ADGRL2: variants seen among roughly 807,000 people sequenced by gnomAD.
ADGRL2 encodes calcium-independent alpha-latrotoxin receptor 2.
In ADGRL2, 44 loss-of-function variants were observed where a neutral mutation model predicts 157.4. That is an observed-to-expected ratio of 0.28 (90% CI 0.22 to 0.36). ADGRL2 has a LOEUF of 0.36. Among genes scored for constraint, ADGRL2 ranks in the 10% least tolerant of loss-of-function variants. The pLI is 1.00. For synonymous variants in ADGRL2, 585 were observed against 624.7 expected (o/e 0.94, Z 0.95); for missense variants, 1,510 against 1,768.9 (o/e 0.85, Z 2.63).
chr1:81,536,053 T>C lies in ADGRL2; in HGVS notation c.-247-44823T>C, dbSNP rs144533393. Among the ~76,000 whole-genome samples, 16 of 152,338 alleles carry C rather than the reference T, an allele frequency of 1.1e-4. No homozygotes were observed. In the East Asian group the frequency reaches 2.9e-3, roughly 28 times the overall value. On this transcript the variant is annotated intron_variant, in intron 2 of 24. Transcript: ENST00000370721. ...GAATCTCAGATATGCCATTTAAAAG[T>C]GATACATTGAGCTGCAAAATATAGG...
At chr1:81,502,190 A>G (rs2078867524) in intron 2 of ADGRL2, 15 of 1,595,094 alleles carry the variant, frequency 9.4e-6, no homozygotes, top group South Asian at 5.6e-5. Context: ...AGTGGCACCC[A>G]TGTCCAATCT....
intron 2 of ADGRL2, among the ~76,000 whole-genome samples, chr1:81,504,877 T>C (rs546078877): frequency 3.4e-4 from 51 of 152,228 alleles, no homozygotes; most frequent in African/African-American, 1.2e-3. Context: ...AGGAGATGAA[T>C]AACTCCACAG....
At chr1:81,785,517 C>T (rs2087000927) in intron 2 of ADGRL2, among the ~76,000 whole-genome samples, 1 of 151,874 alleles carries the variant, frequency 6.6e-6, no homozygotes, top group Non-Finnish European at 1.5e-5. Context: ...TGCTCAAACC[C>T]AAGAGTTCCA....
intron 1 of ADGRL2, among the ~76,000 whole-genome samples, chr1:81,344,227 G>A (rs1006696640): frequency 6.6e-6 from 1 of 152,022 alleles, no homozygotes; most frequent in African/African-American, 2.4e-5. Context: ...ACGTCACCAC[G>A]CCCTAATTCG....
chr1:81,386,849 CA>C (rs886644808), intron 1 of ADGRL2, among the ~76,000 whole-genome samples: 2 of 152,064 alleles, frequency 1.3e-5, no homozygotes, highest in Admixed American at 1.3e-4. Context: ...GCTGTACCAT[CA>C]CACAGGAGAA....
chr1:81,533,992 T>A (rs777996844), intron 2 of ADGRL2, among the ~76,000 whole-genome samples: 1 of 152,226 alleles, frequency 6.6e-6, no homozygotes, highest in Non-Finnish European at 1.5e-5. Flanking sequence ...AGCCTCACTA[T>A]GAACATATGA....
intron 3 of ADGRL2, among the ~76,000 whole-genome samples, chr1:81,648,837 A>G (rs2082360119): frequency 6.6e-6 from 1 of 152,194 alleles, no homozygotes. Flanking sequence ...GAATGAAAGA[A>G]GGTTTCAGGG....
At chr1:81,819,760 C>T (rs1353491800) in intron 1 of ADGRL2, among the ~76,000 whole-genome samples, 1 of 151,982 alleles carries the variant, frequency 6.6e-6, no homozygotes, top group Non-Finnish European at 1.5e-5. Context: ...ATTATTAGAC[C>T]TGTTGAGATA....
At chr1:81,569,644 C>A (rs2080640571) in intron 2 of ADGRL2, among the ~76,000 whole-genome samples, 1 of 151,972 alleles carries the variant, frequency 6.6e-6, no homozygotes, top group Admixed American at 6.6e-5. Context: ...TCAGTCTCTA[C>A]ATAAAAGAAG....
chr1:81,691,851 C>CAT (rs371071574), intron 3 of ADGRL2, among the ~76,000 whole-genome samples: 2,674 of 106,028 alleles, frequency 0.025, 41 homozygotes, highest in South Asian at 0.072. Context: ...GGCAAAATGG[C>CAT]ATATATATAT....
chr1:81,476,739 G>C (rs2078280395), intron 2 of ADGRL2, among the ~76,000 whole-genome samples: 1 of 152,156 alleles, frequency 6.6e-6, no homozygotes. Context: ...ATAACATTGT[G>C]CAGTTTAACC....
chr1:81,810,505 A>G (rs2089729318), intron 1 of ADGRL2, among the ~76,000 whole-genome samples: 1 of 151,926 alleles, frequency 6.6e-6, no homozygotes, highest in South Asian at 2.1e-4. Context: ...GAAATTACAG[A>G]ACACATTTCT....
At chr1:81,429,539 C>T (rs951165034) in intron 1 of ADGRL2, among the ~76,000 whole-genome samples, 1 of 152,184 alleles carries the variant, frequency 6.6e-6, no homozygotes, top group Non-Finnish European at 1.5e-5. Context: ...ACATGAGTCT[C>T]CTGATATTTC....
At chr1:81,871,457 G>C (rs2093692704) in intron 2 of ADGRL2, among the ~76,000 whole-genome samples, 1 of 152,086 alleles carries the variant, frequency 6.6e-6, no homozygotes, top group African/African-American at 2.4e-5. Context: ...CCCAGTAATG[G>C]GATAGCGGGG....
At position 81,625,130 on chromosome 1, in the gene ADGRL2, G is replaced by A. The variant is rs1031200630; in HGVS notation, c.-143+44150G>A. On this transcript the variant is annotated intron_variant, in intron 3 of 24. Coordinates refer to the ADGRL2 transcript ENST00000370721. ...TTAAAGGATAAAGAAACCAAGACTCGGGAGAGTGAAATGAAAAAGCTCCTT... is the reference window on the plus strand; with the variant it reads ...TTAAAGGATAAAGAAACCAAGACTCAGGAGAGTGAAATGAAAAAGCTCCTT... 9.2e-5 allele frequency among the ~76,000 whole-genome samples: 14 copies of A among 152,202 alleles called. No homozygotes were observed. In the East Asian group the frequency reaches 1.4e-3, roughly 15 times the overall value.
rs964410674 is a variant in ADGRL2, at chr1:81,711,572, G to A, written c.-143+11764G>A. 3.9e-5 allele frequency among the ~76,000 whole-genome samples: 6 copies of A among 152,050 alleles called. No individual in the cohort carries two copies. The South Asian group carries it at 6.2e-4, about 16-fold the overall frequency. On this transcript the variant is annotated intron_variant, in intron 1 of 20. Coordinates refer to the ADGRL2 transcript ENST00000359929. ...ACATACTTAAAATTGGTATTTTTTT[G>A]TTTGTTGTTTGTTTTGTGTTGTTTT...
At chr1:81,742,592 T>C (rs1033372960) in intron 1 of ADGRL2, among the ~76,000 whole-genome samples, 1 of 151,998 alleles carries the variant, frequency 6.6e-6, no homozygotes, top group Admixed American at 6.6e-5. Flanking sequence ...GAGTTAAGAA[T>C]GCAACGAAAG....
At chr1:81,878,112 G>C (rs1468738859) in intron 2 of ADGRL2, among the ~76,000 whole-genome samples, 1 of 152,192 alleles carries the variant, frequency 6.6e-6, no homozygotes, top group Non-Finnish European at 1.5e-5. Flanking sequence ...AGTCTCATCT[G>C]GTAAGCTTTC....
intron 3 of ADGRL2, among the ~76,000 whole-genome samples, chr1:81,910,131 T>C (rs1401616388): frequency 1.3e-5 from 2 of 151,728 alleles, no homozygotes; most frequent in Non-Finnish European, 2.9e-5. Context: ...TCCCAGCTAC[T>C]TGGGAGGCTG....
Sources: allele counts gnomAD v4.1 joint callset (sites outside exome capture counted in the v4.1 genomes callset), GRCh38; gene constraint gnomAD v4.1.1; transcripts MANE v1.5; gene names NCBI Gene and HGNC (gene_info 2026-07-23, HGNC 2026-07-21).